EIF2B3: variants seen among roughly 807,000 people sequenced by gnomAD.
The protein encoded by EIF2B3 is eukaryotic translation initiation factor 2B subunit gamma.
Under a neutral mutation model 54.1 loss-of-function variants are expected in EIF2B3, and 20 were observed. That is an observed-to-expected ratio of 0.37 (90% confidence interval 0.26 to 0.54). EIF2B3 has a LOEUF of 0.54. Among genes scored for constraint, EIF2B3 ranks in the 20% least tolerant of loss-of-function variants. The pLI, the probability that EIF2B3 is intolerant of heterozygous loss-of-function variation, is 0.86. For missense variants in EIF2B3, 448 were observed against 547.8 expected, an observed-to-expected ratio of 0.82 and a Z score of 1.82; for synonymous variants, 153 against 188.1, an observed-to-expected ratio of 0.81 and a Z score of 1.52.
intron 11 of EIF2B3, among the ~76,000 whole-genome samples, chr1:44,853,495 C>A (rs1324368011): frequency 6.6e-6 from 1 of 152,114 alleles, no homozygotes; most frequent in East Asian, 1.9e-4. Context: ...GTGGTCTCAG[C>A]TACTCAGGGG....
At chr1:44,939,343 T>A (rs1643995343) in intron 4 of EIF2B3, among the ~76,000 whole-genome samples, 1 of 152,136 alleles carries the variant, frequency 6.6e-6, no homozygotes, top group African/African-American at 2.4e-5. Flanking sequence ...TTTCAGAGGA[T>A]AAAGGATCCA....
At chr1:44,889,568 A>G (rs748576328) in intron 6 of EIF2B3, among the ~76,000 whole-genome samples, 1 of 151,030 alleles carries the variant, frequency 6.6e-6, no homozygotes, top group Non-Finnish European at 1.5e-5. Context: ...ACTTTTAACC[A>G]TAGTGCTTTT....
chr1:44,942,377 TTATATATATATATATATATATATATA>T (rs1170326455), intron 3 of EIF2B3, among the ~76,000 whole-genome samples: 4 of 21,586 alleles, frequency 1.9e-4, no homozygotes, highest in African/African-American at 3.0e-4. Flanking sequence ...CTTTCTGATT[TTATATATATATATATATATATATATA>T]TATATATATA....
intron 3 of EIF2B3, among the ~76,000 whole-genome samples, chr1:44,947,885 T>C (rs186448251): frequency 8.6e-5 from 13 of 151,734 alleles, no homozygotes; most frequent in African/African-American, 2.9e-4. Flanking sequence ...CTTTTCTTTT[T>C]TTTTAGACAA....
intron 3 of EIF2B3, among the ~76,000 whole-genome samples, chr1:44,957,984 G>A (rs1644245861): frequency 6.6e-6 from 1 of 152,210 alleles, no homozygotes; most frequent in East Asian, 1.9e-4. Context: ...AATTTATCAT[G>A]CAACAATACC....
At chr1:44,978,707 GT>G (rs1321992357) in intron 2 of EIF2B3, among the ~76,000 whole-genome samples, 1 of 133,866 alleles carries the variant, frequency 7.5e-6, no homozygotes, top group Admixed American at 8.3e-5. Context: ...CACTGTCGCA[GT>G]TCACAGCAGC....
chr1:44,857,553 T>C (rs1654469495), intron 11 of EIF2B3, 151 bp downstream of exon 11: 1 of 724,646 alleles, frequency 1.4e-6, no homozygotes, highest in Non-Finnish European at 2.4e-6. Context: ...TTGACAGTGA[T>C]GTCAACTGCT....
rs192651564 is a variant in EIF2B3, at chr1:44,887,613, G to A, written c.657-5874C>T. ...TAGGGATGCTTACTGATATGCAGAC[G>A]CTTCTAAAAAGATTTCAATATTTTT... On this transcript the variant is annotated intron_variant, in intron 6 of 11. Transcript: ENST00000360403. 3.3e-5 allele frequency among the ~76,000 whole-genome samples: 5 copies of A among 152,308 alleles called. No homozygotes were observed. In the East Asian group the frequency reaches 9.6e-4, roughly 29 times the overall value.
At chr1:44,962,927 C>T (rs931729184) in intron 3 of EIF2B3, among the ~76,000 whole-genome samples, 5 of 152,004 alleles carry the variant, frequency 3.3e-5, no homozygotes, top group Non-Finnish European at 1.5e-5. Context: ...AAAATGACAC[C>T]GGATTCAGTC....
chr1:44,952,673 C>A (rs1232618212), intron 3 of EIF2B3, among the ~76,000 whole-genome samples: 1 of 151,678 alleles, frequency 6.6e-6, no homozygotes. Context: ...CTGCCTCAGC[C>A]TCCCGAGTAG....
intron 3 of EIF2B3, among the ~76,000 whole-genome samples, chr1:44,947,076 C>A (rs1340080680): frequency 3.3e-5 from 5 of 152,222 alleles, no homozygotes; most frequent in Non-Finnish European, 4.4e-5. Context: ...AACAGTATGC[C>A]TCTTCTGCAG....
chr1:44,932,733 A>C (rs1343514531), intron 4 of EIF2B3, among the ~76,000 whole-genome samples: 1 of 149,258 alleles, frequency 6.7e-6, no homozygotes. Context: ...GCTAGAAGAC[A>C]GTAAAACAAA....
At chr1:44,877,205 A>AAAAC (rs2148903163) in intron 8 of EIF2B3, among the ~76,000 whole-genome samples, 1 of 147,058 alleles carries the variant, frequency 6.8e-6, no homozygotes, top group East Asian at 2.0e-4. Context: ...AAAAAAAAAA[A>AAAAC]AAAAAAAAAA....
At chr1:44,905,167 T>A (rs954531974) in intron 5 of EIF2B3, among the ~76,000 whole-genome samples, 1 of 152,154 alleles carries the variant, frequency 6.6e-6, no homozygotes, top group Non-Finnish European at 1.5e-5. Flanking sequence ...TATGGAGTTA[T>A]CAAACTAGAG....
At chr1:44,943,487 A>G (rs1644062227) in intron 3 of EIF2B3, among the ~76,000 whole-genome samples, 1 of 151,362 alleles carries the variant, frequency 6.6e-6, no homozygotes, top group South Asian at 2.1e-4. Flanking sequence ...TGGCATGATC[A>G]TGGCTTACTG....
At chr1:44,901,044 A>C (rs1389747250) in intron 5 of EIF2B3, among the ~76,000 whole-genome samples, 2 of 152,266 alleles carry the variant, frequency 1.3e-5, no homozygotes, top group South Asian at 2.1e-4. Context: ...TCCTGGGCTC[A>C]AGTGATCCTA....
At chr1:44,943,350 A>G (rs1407388085) in intron 3 of EIF2B3, among the ~76,000 whole-genome samples, 1 of 149,976 alleles carries the variant, frequency 6.7e-6, no homozygotes, top group African/African-American at 2.5e-5. Flanking sequence ...TCTTCACAAC[A>G]ACCATATGCA....
rs66786376 is a variant in EIF2B3, at chr1:44,986,138, CTTTTT to C, written c.-10+350_-10+354del. On this transcript the variant is annotated intron_variant, in intron 1 of 11. Transcript: ENST00000360403. ...AAACTTCGTTTCTTTCTTTTCTTTT[CTTTTT>C]TTTTTTTTTTTTGAAACGGAGAGTC... 2.8e-5 allele frequency among the ~76,000 whole-genome samples: 4 copies of C among 142,264 alleles called. No individual in the cohort carries two copies. The East Asian group carries it at 8.1e-4, about 29-fold the overall frequency. 93.3% of individuals were successfully genotyped at this position (142,264 alleles called of 152,430 possible).
intron 11 of EIF2B3, among the ~76,000 whole-genome samples, 169 bp from the exon 12 acceptor site, chr1:44,851,172 C>T (rs1173788046): frequency 6.6e-6 from 1 of 152,012 alleles, no homozygotes; most frequent in Non-Finnish European, 1.5e-5. Flanking sequence ...TCATGCGATT[C>T]TCCTGCCTCA....
Sources: allele counts gnomAD v4.1 joint callset (sites outside exome capture counted in the v4.1 genomes callset), GRCh38; gene constraint gnomAD v4.1.1; transcripts MANE v1.5; gene names NCBI Gene and HGNC (gene_info 2026-07-23, HGNC 2026-07-21).